EARS2: variants seen among roughly 807,000 people sequenced by gnomAD.
EARS2 encodes glutamyl-tRNA synthetase 2, mitochondrial.
Under a neutral mutation model 54.1 loss-of-function variants are expected in EARS2, and 50 were observed. That is an observed-to-expected ratio of 0.92 (90% confidence interval 0.74 to 1.17). EARS2 has a LOEUF of 1.17. Ranked by LOEUF, EARS2 falls within the 50% of genes most tolerant of loss-of-function variation. EARS2 has a pLI of 0.00. For synonymous variants in EARS2, 298 were observed against 281.0 expected (o/e 1.06, Z -0.61); for missense variants, 673 against 675.0 (o/e 1.00, Z 0.03).
At chr16:23,548,160 G>A (rs1390037169) in intron 2 of EARS2, among the ~76,000 whole-genome samples, 2 of 151,702 alleles carry the variant, frequency 1.3e-5, no homozygotes, top group Admixed American at 1.3e-4. Flanking sequence ...CATGAACCCG[G>A]GAGGTGGAGC....
At chr16:23,544,493 G>C (rs1444009431) in intron 3 of EARS2, 21 bp downstream of exon 3, 1 of 1,607,222 alleles carries the variant, frequency 6.2e-7, no homozygotes, top group East Asian at 2.2e-5. Flanking sequence ...TGAGGCATCT[G>C]CAACAAGCTG....
chr16:23,526,155 C>G (rs1177626227), intron 7 of EARS2, among the ~76,000 whole-genome samples: 1 of 143,104 alleles, frequency 7.0e-6, no homozygotes, highest in Non-Finnish European at 1.5e-5. Context: ...CTCTGTTGCC[C>G]AGGCTGGAGT....
At chr16:23,538,472 TTC>T (rs1965461113) in intron 3 of EARS2, among the ~76,000 whole-genome samples, 1 of 152,194 alleles carries the variant, frequency 6.6e-6, no homozygotes, top group Non-Finnish European at 1.5e-5. Context: ...TTACATTGGC[TTC>T]TGTTTTCTAA....
intron 3 of EARS2, 30 bp from the exon 4 acceptor site, chr16:23,535,390 G>A: frequency 2.5e-6 from 4 of 1,577,688 alleles, no homozygotes; most frequent in Non-Finnish European, 3.4e-6. Context: ...CATGAGTACT[G>A]TTGATGGAAA....
intron 3 of EARS2, among the ~76,000 whole-genome samples, chr16:23,543,762 G>T (rs1044669809): frequency 2.0e-5 from 3 of 148,962 alleles, no homozygotes; most frequent in African/African-American, 7.4e-5. Context: ...CAACTGATCT[G>T]ACATTTGAAA....
At chr16:23,524,775 T>C (rs1184938031) in intron 8 of EARS2, among the ~76,000 whole-genome samples, 2 of 151,758 alleles carry the variant, frequency 1.3e-5, no homozygotes, top group African/African-American at 4.8e-5. Flanking sequence ...CCCTCCCAAG[T>C]AGCTGGGATT....
chr16:23,541,119 G>A (rs1965504680), intron 3 of EARS2, among the ~76,000 whole-genome samples: 1 of 152,192 alleles, frequency 6.6e-6, no homozygotes, highest in African/African-American at 2.4e-5. Context: ...GAGGTCAGGA[G>A]TTTGAGACCA....
chr16:23,541,868 T>A (rs896815940), intron 3 of EARS2, among the ~76,000 whole-genome samples: 1 of 151,674 alleles, frequency 6.6e-6, no homozygotes, highest in Admixed American at 6.6e-5. Flanking sequence ...TAATTTTTTT[T>A]TTTTTTTGGA....
chr16:23,555,478 C>A (rs745520733), intron 1 of EARS2, among the ~76,000 whole-genome samples: 1 of 152,064 alleles, frequency 6.6e-6, no homozygotes, highest in Non-Finnish European at 1.5e-5. Context: ...ACAGACAGAG[C>A]CAAACCCTGT....
intron 4 of EARS2, among the ~76,000 whole-genome samples, chr16:23,534,182 G>A (rs1427429454): frequency 6.6e-6 from 1 of 152,234 alleles, no homozygotes; most frequent in Admixed American, 6.5e-5. Flanking sequence ...CTCACTAGGT[G>A]TGTGACTTTG....
intron 3 of EARS2, among the ~76,000 whole-genome samples, chr16:23,537,776 TTTC>T (rs1398499087): frequency 6.6e-6 from 1 of 150,880 alleles, no homozygotes; most frequent in Non-Finnish European, 1.5e-5. Context: ...GTTTCTTTCT[TTTC>T]TTTTCTTTTT....
chr16:23,551,648 G>A (rs867649411), intron 2 of EARS2, among the ~76,000 whole-genome samples: 10 of 151,910 alleles, frequency 6.6e-5, no homozygotes, highest in Admixed American at 3.3e-4. Flanking sequence ...AGTTGGGCGC[G>A]GTGGCTCATG....
chr16:23,554,386 CTCT>C (rs1965743397), intron 1 of EARS2, among the ~76,000 whole-genome samples: 1 of 152,188 alleles, frequency 6.6e-6, no homozygotes, highest in Non-Finnish European at 1.5e-5. Flanking sequence ...CACTGTATTT[CTCT>C]TCATCAGTTT....
chr16:23,544,521 T>G lies in EARS2; in HGVS notation c.478A>C (p.Thr160Pro). The change falls in exon 3 of 9, where the codon ACG (threonine) becomes CCG (proline). Residue 160 changes from threonine to proline, a missense_variant. Physicochemically the swap from Thr to Pro is conservative, Grantham distance 38 (BLOSUM62 -1). This residue lies in a region of EARS2 where 316 missense variants were observed against 275.2 expected (regional missense o/e 1.15). Transcript: ENST00000449606. ...ACAAGCTGAGGTTCTTACCGGGGCG[T>G]CTGGTGGTTCCGCAAGGCCTCCTTC... ...LKKEALRNHQ[T>P]PRYDNRCRNM... 1.2e-6 allele frequency: 2 copies of G among 1,613,626 alleles called. No homozygotes were observed. The highest frequency in any genetic ancestry group is 1.7e-6 in the Non-Finnish European group (2 of 1,179,666).
Position 23,529,832 on chromosome 16 carries a change from A to G in EARS2, c.1133T>C (p.Val378Ala). Reference sequence around the variant, plus strand: ...GCAACCAAAGGCCTCCTCCACAAGGACCTGCAGCTTCCCCACCAGCTGGCG... The same window carrying G: ...GCAACCAAAGGCCTCCTCCACAAGGGCCTGCAGCTTCCCCACCAGCTGGCG... ...QRRQLVGKLQ[V>A]LVEEAFGCQL... The change falls in exon 6 of 9, where the codon GTC (valine) becomes GCC (alanine). Residue 378 changes from valine to alanine, a missense_variant. Val to Ala is a moderately conservative substitution (Grantham distance 64, BLOSUM62 0). Around this residue, in one of 3 missense-constraint regions of EARS2, gnomAD observed 338 missense variants for 361.2 expected, o/e 0.94. Transcript: ENST00000449606. 6.2e-7 allele frequency: 1 copy of G among 1,614,090 alleles called. No homozygotes were observed. Among genetic ancestry groups the G allele is most frequent in the Non-Finnish European group, 8.5e-7 (1 of 1,180,004 alleles).
At chr16:23,538,220 G>A (rs545984256) in intron 3 of EARS2, among the ~76,000 whole-genome samples, 86 of 152,186 alleles carry the variant, frequency 5.7e-4, no homozygotes, top group African/African-American at 2.0e-3. Flanking sequence ...CACCCAGGCT[G>A]GAGTGCAGCG....
intron 4 of EARS2, among the ~76,000 whole-genome samples, chr16:23,532,982 C>T (rs1422292657): frequency 1.3e-5 from 2 of 152,122 alleles, no homozygotes; most frequent in African/African-American, 4.8e-5. Flanking sequence ...CCGCACCTGG[C>T]TAATTTTTAA....
intron 2 of EARS2, among the ~76,000 whole-genome samples, chr16:23,551,386 CAGG>C (rs1444671151): frequency 2.0e-5 from 3 of 152,144 alleles, no homozygotes; most frequent in Non-Finnish European, 2.9e-5. Flanking sequence ...GAGGCTGTAG[CAGG>C]AGGATTGCTT....
chr16:23,545,431 C>T (rs1388143904), intron 2 of EARS2, among the ~76,000 whole-genome samples: 3 of 152,178 alleles, frequency 2.0e-5, no homozygotes, highest in Admixed American at 2.0e-4. Context: ...TCCTGAGGTG[C>T]TACCAACGTG....
Sources: allele counts gnomAD v4.1 joint callset (sites outside exome capture counted in the v4.1 genomes callset), GRCh38; gene constraint gnomAD v4.1.1; regional missense constraint gnomAD v4.1.1; transcripts MANE v1.5; gene names NCBI Gene and HGNC (gene_info 2026-07-23, HGNC 2026-07-21).